Variants in IFT74 observed in about 807,000 individuals in gnomAD.
IFT74 encodes intraflagellar transport protein 74 homolog.
Under a neutral mutation model 96.7 loss-of-function variants are expected in IFT74, and 92 were observed. The observed-to-expected ratio is 0.95, with a 90% CI of 0.80 to 1.13. The LOEUF (loss-of-function observed/expected upper bound fraction) is 1.13, where lower values mean the gene tolerates loss of function less well. Ranked by LOEUF, IFT74 falls within the 50% of genes most tolerant of loss-of-function variation. The pLI, the probability that IFT74 is intolerant of heterozygous loss-of-function variation, is 0.00. For missense variants in IFT74, 811 were observed against 698.2 expected (o/e 1.16, Z -1.82); for synonymous variants, 223 against 213.2 (o/e 1.05, Z -0.40).
At chr9:26,965,603 C>T (rs1171951819) in intron 2 of IFT74, among the ~76,000 whole-genome samples, 1 of 152,078 alleles carries the variant, frequency 6.6e-6, no homozygotes, top group Non-Finnish European at 1.5e-5. Context: ...TGGCCACCTA[C>T]TATTTGCCAG....
chr9:26,996,194 TTGAGA>T, intron 8 of IFT74: 1 of 681,318 alleles, frequency 1.5e-6, no homozygotes, highest in Non-Finnish European at 2.2e-6. Flanking sequence ...AAATCTTTAG[TTGAGA>T]TGAGGAATCT....
At chr9:26,996,515 G>C (rs1355614684) in intron 8 of IFT74, 5 of 1,403,482 alleles carry the variant, frequency 3.6e-6, no homozygotes, top group South Asian at 3.8e-5. Flanking sequence ...AAATCAGAAA[G>C]AATAAGATTT....
At chr9:27,005,029 C>T (rs2131591560) in intron 8 of IFT74, among the ~76,000 whole-genome samples, 1 of 152,086 alleles carries the variant, frequency 6.6e-6, no homozygotes, top group African/African-American at 2.4e-5. Flanking sequence ...TGTAGTTTTT[C>T]CATTAAGTAT....
chr9:26,967,311 C>T (rs776798662), intron 2 of IFT74, among the ~76,000 whole-genome samples: 19 of 151,888 alleles, frequency 1.3e-4, no homozygotes, highest in Non-Finnish European at 2.5e-4. Flanking sequence ...AGAGATCTTT[C>T]ACTTCTTGGG....
At chr9:26,966,022 G>T (rs1008602868) in intron 2 of IFT74, among the ~76,000 whole-genome samples, 1 of 152,024 alleles carries the variant, frequency 6.6e-6, no homozygotes, top group South Asian at 2.1e-4. Flanking sequence ...GTGTATATGT[G>T]TGTGTGTATA....
chr9:27,039,907 A>C (rs1028069168), intron 13 of IFT74, among the ~76,000 whole-genome samples: 10 of 152,202 alleles, frequency 6.6e-5, no homozygotes, highest in African/African-American at 2.4e-4. Context: ...GTATGTGAAA[A>C]GTAGATGGGA....
At chr9:27,038,752 A>G (rs1819328417) in intron 13 of IFT74, among the ~76,000 whole-genome samples, 1 of 152,226 alleles carries the variant, frequency 6.6e-6, no homozygotes, top group African/African-American at 2.4e-5. Context: ...GATTTAGCAG[A>G]AACAGAGTCC....
intron 2 of IFT74, among the ~76,000 whole-genome samples, chr9:26,969,014 G>A (rs1302220895): frequency 1.3e-5 from 2 of 151,578 alleles, no homozygotes. Flanking sequence ...TGTTTATTTT[G>A]TTTTTCTACT....
intron 14 of IFT74, among the ~76,000 whole-genome samples, chr9:27,046,165 C>T (rs1819695488): frequency 6.6e-6 from 1 of 152,034 alleles, no homozygotes; most frequent in African/African-American, 2.4e-5. Flanking sequence ...CTCATATGTC[C>T]ACTTAATGTG....
intron 2 of IFT74, among the ~76,000 whole-genome samples, chr9:26,966,498 C>A (rs944912536): frequency 6.6e-6 from 1 of 151,870 alleles, no homozygotes; most frequent in African/African-American, 2.4e-5. Flanking sequence ...CTATTCAGAC[C>A]TTTTGCCCGT....
intron 8 of IFT74, chr9:26,995,482 G>A (rs756387436): frequency 8.4e-7 from 1 of 1,186,348 alleles, no homozygotes; most frequent in Non-Finnish European, 1.2e-6. Flanking sequence ...AACTGAGTGA[G>A]CTGATAACTT....
Position 26,997,836 on chromosome 9 carries a change from G to A in IFT74, c.587+7641G>A, listed in dbSNP as rs767016171. 1.5e-5 allele frequency: 25 copies of A among 1,614,038 alleles called. 1 individual carries two copies. The South Asian group carries it at 2.4e-4, about 16-fold the overall frequency. The stretch of plus-strand genomic sequence containing the variant: ...ATTAATTCCAGATGAAATAGTGGTG[G>A]TACATCCAAATAGCTAATCAAATTG... On this transcript the variant is annotated intron_variant, in intron 8 of 19. Transcript: ENST00000380062.
rs766497950 is a variant in IFT74 at position 27,029,025 on chromosome 9, G to A, written c.975G>A (p.Gln325=). The part of the protein sequence containing the change: ...DNQEIASMER[Q]LTDTKEKINQ... ...AATTCATTAAAAATATTTTCAACAGGTTAACAGATACAAAAGAAAAGATAA... is the reference window on the plus strand; with the variant it reads ...AATTCATTAAAAATATTTTCAACAGATTAACAGATACAAAAGAAAAGATAA... Residue 325 remains glutamine, a splice_region_variant and synonymous_variant, in exon 13 of 20, where the codon CAG becomes CAA. Transcript: ENST00000380062. 5 of 1,585,900 alleles carry A rather than the reference G, an allele frequency of 3.2e-6. No homozygotes were observed. Among genetic ancestry groups the A allele is most frequent in the African/African-American group, 1.4e-5 (1 of 73,838 alleles).
chr9:26,974,553 C>T (rs1214219122), intron 2 of IFT74, among the ~76,000 whole-genome samples: 1 of 152,042 alleles, frequency 6.6e-6, no homozygotes, highest in African/African-American at 2.4e-5. Flanking sequence ...ATTATCATTT[C>T]CCTTAGATCT....
chr9:26,961,850 A>G (rs1236444340), intron 1 of IFT74, 99 bp from the exon 2 acceptor site: 5 of 1,305,662 alleles, frequency 3.8e-6, no homozygotes, highest in South Asian at 1.4e-5. Flanking sequence ...GCAGTTTGCA[A>G]GAACAATTGT....
intron 18 of IFT74, among the ~76,000 whole-genome samples, chr9:27,060,258 G>A (rs1820354312): frequency 6.6e-6 from 1 of 152,144 alleles, no homozygotes; most frequent in African/African-American, 2.4e-5. Flanking sequence ...ATTTTAAGAA[G>A]AGATTCCCAT....
At chr9:26,947,640 G>A (rs1825788389) in intron 1 of IFT74, among the ~76,000 whole-genome samples, 1 of 152,216 alleles carries the variant, frequency 6.6e-6, no homozygotes, top group African/African-American at 2.4e-5. Flanking sequence ...GCTTTTCCCT[G>A]AGAATCTCGA....
intron 13 of IFT74, among the ~76,000 whole-genome samples, chr9:27,040,203 C>T (rs1819400423): frequency 6.6e-6 from 1 of 152,066 alleles, no homozygotes; most frequent in South Asian, 2.1e-4. Flanking sequence ...AAAACTAGAG[C>T]TCGTTCATAG....
chr9:27,001,380 CT>C (rs149845939), intron 8 of IFT74, among the ~76,000 whole-genome samples: 1,930 of 152,098 alleles, frequency 0.013, 39 homozygotes, highest in African/African-American at 0.045. Context: ...TTTAAGGAAC[CT>C]TCATACTGCT....
Sources: allele counts gnomAD v4.1 joint callset (sites outside exome capture counted in the v4.1 genomes callset), GRCh38; gene constraint gnomAD v4.1.1; transcripts MANE v1.5; gene names NCBI Gene and HGNC (gene_info 2026-07-23, HGNC 2026-07-21).